The following KCNH7 variants were observed in gnomAD, a reference collection of about 807,000 sequenced individuals.
KCNH7 encodes potassium voltage-gated channel subfamily H member 7, also known as voltage-gated inwardly rectifying potassium channel KCNH7.
A neutral mutation model predicts 120.8 loss-of-function variants in KCNH7; 49 were observed. The ratio of observed to expected loss-of-function variants is 0.41; its 90% CI spans 0.32 to 0.51. The LOEUF (loss-of-function observed/expected upper bound fraction) is 0.51, where lower values mean the gene tolerates loss of function less well. KCNH7 is among the 20% of genes least tolerant of loss of function. KCNH7 has a pLI of 0.38. For synonymous variants in KCNH7, 547 were observed against 516.1 expected (o/e 1.06, Z -0.81); for missense variants, 1,097 against 1,446.6 (o/e 0.76, Z 3.92).
At chr2:162,587,123 T>A (rs6721649) in intron 2 of KCNH7, among the ~76,000 whole-genome samples, 6,661 of 152,202 alleles carry the variant, frequency 0.044, 294 homozygotes, top group East Asian at 0.11. Context: ...TTGCCTGTAA[T>A]TTATGAATTT....
intron 6 of KCNH7, among the ~76,000 whole-genome samples, chr2:162,475,908 T>G (rs951789408): frequency 6.6e-6 from 1 of 152,220 alleles, no homozygotes; most frequent in African/African-American, 2.4e-5. Flanking sequence ...AGCTGGGCAT[T>G]GCTGGTGCTT....
intron 2 of KCNH7, among the ~76,000 whole-genome samples, chr2:162,709,437 C>G (rs16847195): frequency 6.6e-6 from 1 of 151,952 alleles, no homozygotes; most frequent in Non-Finnish European, 1.5e-5. Flanking sequence ...TTTCCTTCCC[C>G]TAAAATAACT....
At chr2:162,385,744 G>T (rs1573899155) in intron 12 of KCNH7, among the ~76,000 whole-genome samples, 1 of 151,934 alleles carries the variant, frequency 6.6e-6, no homozygotes, top group East Asian at 1.9e-4. Flanking sequence ...ACGCCAGAAG[G>T]TATATCATTT....
At chr2:162,538,451 G>T (rs953608093) in intron 2 of KCNH7, among the ~76,000 whole-genome samples, 8 of 151,950 alleles carry the variant, frequency 5.3e-5, no homozygotes, top group African/African-American at 1.9e-4. Context: ...TTGAGAGCAA[G>T]ATTAGTCTGG....
intron 6 of KCNH7, among the ~76,000 whole-genome samples, chr2:162,465,789 T>C (rs1689288298): frequency 6.6e-6 from 1 of 152,180 alleles, no homozygotes; most frequent in South Asian, 2.1e-4. Flanking sequence ...TGCACTCCTT[T>C]ATCCCATTTT....
At chr2:162,650,608 C>T (rs1684530597) in intron 2 of KCNH7, among the ~76,000 whole-genome samples, 1 of 152,130 alleles carries the variant, frequency 6.6e-6, no homozygotes, top group African/African-American at 2.4e-5. Flanking sequence ...CATCTCTGAC[C>T]TTCCTGAAAA....
intron 2 of KCNH7, among the ~76,000 whole-genome samples, chr2:162,601,889 T>A (rs545598321): frequency 2.0e-5 from 3 of 152,078 alleles, no homozygotes; most frequent in African/African-American, 7.2e-5. Flanking sequence ...ATGTCAATTT[T>A]AAGAATAAAA....
At chr2:162,631,750 C>T (rs1006359601) in intron 2 of KCNH7, among the ~76,000 whole-genome samples, 4 of 151,808 alleles carry the variant, frequency 2.6e-5, no homozygotes, top group African/African-American at 4.8e-5. Flanking sequence ...AAATTGATAG[C>T]TTATTGAGAA....
rs199767557 is a variant in KCNH7, at chr2:162,835,520, AGAT to A, written c.307+1014_307+1016del. 7.2e-3 allele frequency among the ~76,000 whole-genome samples: 1,094 copies of A among 152,210 alleles called. 2 individuals are homozygous for A. Among genetic ancestry groups the A allele is most frequent in the Non-Finnish European group, 0.011 (774 of 67,950 alleles). On this transcript the variant is annotated intron_variant, in intron 2 of 15. Transcript: ENST00000332142. Reference sequence around the variant, plus strand: ...TTCTGTTAGTGGAATAAAAAGAAATAGATGATGATGAAATATCAACAAAATTAA... The same window carrying A: ...TTCTGTTAGTGGAATAAAAAGAAATAGATGATGAAATATCAACAAAATTAA...
chr2:162,525,157 C>T (rs1351338890), intron 3 of KCNH7, among the ~76,000 whole-genome samples: 1 of 151,812 alleles, frequency 6.6e-6, no homozygotes, highest in Non-Finnish European at 1.5e-5. Flanking sequence ...GTGACATTTC[C>T]TAGGGTATTA....
chr2:162,809,604 A>G (rs1007126578), intron 2 of KCNH7, among the ~76,000 whole-genome samples: 3 of 152,198 alleles, frequency 2.0e-5, no homozygotes, highest in Non-Finnish European at 4.4e-5. Context: ...TGCTAGAAAT[A>G]TATTTGGGGA....
At chr2:162,678,353 A>G (rs1296495466) in intron 2 of KCNH7, among the ~76,000 whole-genome samples, 1 of 151,470 alleles carries the variant, frequency 6.6e-6, no homozygotes, top group Non-Finnish European at 1.5e-5. Flanking sequence ...CATTGATAAC[A>G]TTGCTAAGGA....
At chr2:162,749,852 A>G (rs577982089) in intron 2 of KCNH7, among the ~76,000 whole-genome samples, 10 of 152,312 alleles carry the variant, frequency 6.6e-5, no homozygotes, top group Admixed American at 3.9e-4. Context: ...ATTGAATGAA[A>G]GGAAAAGAAC....
chr2:162,535,669 T>C (rs559864104), intron 3 of KCNH7, among the ~76,000 whole-genome samples: 7 of 151,934 alleles, frequency 4.6e-5, no homozygotes, highest in African/African-American at 1.7e-4. Context: ...AAATAATTTT[T>C]TGTAGCTCTA....
intron 2 of KCNH7, chr2:162,795,805 T>G (rs1444329282): frequency 6.6e-6 from 1 of 152,094 alleles, no homozygotes; most frequent in Non-Finnish European, 1.5e-5. Context: ...GGTTCTATTT[T>G]TACATTCAGA....
At chr2:162,398,667 C>T (rs894108564) in intron 10 of KCNH7, among the ~76,000 whole-genome samples, 1 of 151,852 alleles carries the variant, frequency 6.6e-6, no homozygotes, top group African/African-American at 2.4e-5. Flanking sequence ...TATGTCTTAG[C>T]AACACTCTAA....
intron 2 of KCNH7, among the ~76,000 whole-genome samples, chr2:162,641,138 A>G (rs943429270): frequency 6.6e-6 from 1 of 152,172 alleles, no homozygotes; most frequent in African/African-American, 2.4e-5. Context: ...TAAAAACTCA[A>G]CGCAGAACTA....
intron 2 of KCNH7, among the ~76,000 whole-genome samples, chr2:162,689,556 A>G (rs933130545): frequency 1.3e-5 from 2 of 152,140 alleles, no homozygotes; most frequent in Non-Finnish European, 1.5e-5. Context: ...ACAATAACTC[A>G]ATAACTACAA....
chr2:162,459,307 A>C (rs932794292), intron 6 of KCNH7, among the ~76,000 whole-genome samples: 1 of 152,144 alleles, frequency 6.6e-6, no homozygotes, highest in Non-Finnish European at 1.5e-5. Flanking sequence ...TGTAGCTTAA[A>C]GAGAAAGAGC....
Sources: allele counts gnomAD v4.1 joint callset (sites outside exome capture counted in the v4.1 genomes callset), GRCh38; gene constraint gnomAD v4.1.1; transcripts MANE v1.5; gene names NCBI Gene and HGNC (gene_info 2026-07-23, HGNC 2026-07-21).